Variants in LITAF observed in about 807,000 individuals in gnomAD.
LITAF encodes the protein lipopolysaccharide induced TNF factor.
LITAF carries 9 observed loss-of-function variants against 14.5 expected under a neutral mutation model. The observed-to-expected ratio is 0.62, with a 90% CI of 0.37 to 1.08. The LOEUF (loss-of-function observed/expected upper bound fraction) is 1.08. Ranked by LOEUF, LITAF falls within the 50% of genes least tolerant of loss-of-function variation. LITAF has a pLI of 0.01. For synonymous variants in LITAF, 98 were observed against 88.2 expected (o/e 1.11, Z -0.62); for missense variants, 206 against 213.4 (o/e 0.97, Z 0.22).
At chr16:11,591,547 T>A (rs114627242), upstream of LITAF, among the ~76,000 whole-genome samples, 6 of 148,380 alleles carry the variant, frequency 4.0e-5, no homozygotes, top group Non-Finnish European at 7.4e-5. Context: ...GGTTCTGGCA[T>A]AAGAATAGAC....
chr16:11,625,726 CT>C (rs1277522256), intron 3 of LITAF, among the ~76,000 whole-genome samples: 4 of 152,130 alleles, frequency 2.6e-5, no homozygotes, highest in African/African-American at 7.2e-5. Flanking sequence ...CCCTTTTAAT[CT>C]TTCATTTATT....
upstream of LITAF, among the ~76,000 whole-genome samples, chr16:11,588,187 A>C (rs2064826432): frequency 6.6e-6 from 1 of 152,092 alleles, no homozygotes; most frequent in Admixed American, 6.6e-5. Flanking sequence ...TGTGGGCAAC[A>C]TTTTACTGCT....
At chr16:11,617,230 A>G (rs1187070907) in intron 3 of LITAF, among the ~76,000 whole-genome samples, 1 of 152,042 alleles carries the variant, frequency 6.6e-6, no homozygotes. Context: ...AAAAAAATAA[A>G]TAAATAGAAA....
chr16:11,550,611 CTT>C lies in LITAF; in HGVS notation c.378-868_378-867del, dbSNP rs574252891. Among the ~76,000 whole-genome samples, 283 of 152,242 alleles carry C rather than the reference CTT, an allele frequency of 1.9e-3. 1 individual carries two copies. Among genetic ancestry groups the C allele is most frequent in the Admixed American group, 3.4e-3 (52 of 15,276 alleles). Reference sequence around the variant, plus strand: ...CAAAGTCTTAGATGGGCTTGGTGAACTTTTTTTGCAAAGGGACAGATAGTAGA... The same window carrying C: ...CAAAGTCTTAGATGGGCTTGGTGAACTTTTTGCAAAGGGACAGATAGTAGA... On this transcript the variant is annotated intron_variant, in intron 3 of 3. Transcript: ENST00000622633.
chr16:11,554,470 C>T (rs1474502405), intron 2 of LITAF, among the ~76,000 whole-genome samples: 2 of 151,964 alleles, frequency 1.3e-5, no homozygotes, highest in African/African-American at 2.4e-5. Flanking sequence ...AAAACATGTT[C>T]GAACATTCTC....
intron 3 of LITAF, among the ~76,000 whole-genome samples, chr16:11,625,126 G>A (rs966175255): frequency 5.9e-5 from 9 of 152,250 alleles, no homozygotes; most frequent in African/African-American, 2.2e-4. Flanking sequence ...TCCCCATGTG[G>A]TTCTGGTTAG....
upstream of LITAF, among the ~76,000 whole-genome samples, chr16:11,588,532 G>A (rs1169040605): frequency 8.9e-6 from 1 of 112,830 alleles, no homozygotes; most frequent in African/African-American, 3.1e-5. Flanking sequence ...AAAAAAAAAA[G>A]AAAGAAAAAG....
chr16:11,611,554 T>C (rs949111014), intron 3 of LITAF, among the ~76,000 whole-genome samples: 4 of 152,228 alleles, frequency 2.6e-5, no homozygotes, highest in Admixed American at 2.0e-4. Context: ...ACAATACTTT[T>C]TACCACCTAC....
intron 3 of LITAF, among the ~76,000 whole-genome samples, chr16:11,613,324 G>A (rs1051784346): frequency 7.9e-5 from 12 of 152,192 alleles, no homozygotes; most frequent in Non-Finnish European, 1.5e-4. Flanking sequence ...GGGATGGAGA[G>A]AGACGGGACA....
At chr16:11,615,800 G>C (rs1391077158) in intron 3 of LITAF, among the ~76,000 whole-genome samples, 1 of 152,182 alleles carries the variant, frequency 6.6e-6, no homozygotes, top group African/African-American at 2.4e-5. Flanking sequence ...AAAGCCCTTG[G>C]ACCCTCCTCA....
rs747993505 is a variant in LITAF at position 11,586,024 on chromosome 16, C to G, written c.-6+862G>C. 3.3e-5 allele frequency: 5 copies of G among 152,704 alleles called. No homozygotes were observed. The highest frequency in any genetic ancestry group is 7.2e-5 in the African/African-American group (3 of 41,468). The allele number at this position is 152,704 out of a possible 1,614,324, so 9.5% of individuals were successfully genotyped here. A position where few individuals can be genotyped will look rare whatever the true frequency, so the allele number is the denominator to read the frequency against. ...CCCCGAAGAGCTTCGGGCACACCAC[C>G]AACTGACCACCTATCCACAGTGACC... On this transcript the variant is annotated intron_variant, in intron 1 of 3. Coordinates refer to ENST00000622633, the MANE Select transcript of LITAF (RefSeq NM_001136472.2). The surrounding 1 kb of genome is among the most constrained non-coding windows in gnomAD (Gnocchi z 6.5).
chr16:11,557,260 A>G (rs1341716404), intron 1 of LITAF, among the ~76,000 whole-genome samples: 1 of 151,622 alleles, frequency 6.6e-6, no homozygotes, highest in Admixed American at 6.6e-5. Context: ...AGGCAAAATG[A>G]ATCCATGGAG....
chr16:11,558,784 T>C lies in LITAF; in HGVS notation c.-5-2049A>G, dbSNP rs1304484401. 6.6e-6 allele frequency among the ~76,000 whole-genome samples: 1 copy of C among 151,962 alleles called. No homozygotes were observed. Among genetic ancestry groups the C allele is most frequent in the Non-Finnish European group, 1.5e-5 (1 of 67,980 alleles). On this transcript the variant is annotated intron_variant, in intron 1 of 3. Coordinates refer to ENST00000622633, the MANE Select transcript of LITAF (RefSeq NM_001136472.2). The surrounding 1 kb of genome is among the most constrained non-coding windows in gnomAD (Gnocchi z 4.1). Reference sequence around the variant, plus strand: ...TAAAAAGAAAGTCAGTAAGTAAAGATAGGTTGGGGCTGCATTCTAGAAAAC... The same window carrying C: ...TAAAAAGAAAGTCAGTAAGTAAAGACAGGTTGGGGCTGCATTCTAGAAAAC...
At chr16:11,622,947 AATATAT>A (rs56677620) in intron 3 of LITAF, among the ~76,000 whole-genome samples, 114,650 of 145,318 alleles carry the variant, frequency 0.79, 45,549 homozygotes, top group Middle Eastern at 0.88. Flanking sequence ...TCATATAATG[AATATAT>A]ATATATATAT....
chr16:11,629,389 A>G (rs1395792129), intron 3 of LITAF, among the ~76,000 whole-genome samples: 2 of 152,212 alleles, frequency 1.3e-5, no homozygotes, highest in East Asian at 1.9e-4. Flanking sequence ...GACAAGGTGC[A>G]GGAGGAAGAA....
At chr16:11,636,234 T>G (rs1211666508) in intron 1 of LITAF, 2 of 152,104 alleles carry the variant, frequency 1.3e-5, no homozygotes, top group Non-Finnish European at 2.9e-5. Context: ...TTGTCTGGGG[T>G]AAATACCCGA....
chr16:11,572,855 T>C (rs2064566165), intron 1 of LITAF, among the ~76,000 whole-genome samples: 1 of 151,566 alleles, frequency 6.6e-6, no homozygotes, highest in South Asian at 2.1e-4. Context: ...CAGTGTCCCA[T>C]AGGGAAGTAG....
At chr16:11,583,163 T>C (rs1219529074) in intron 1 of LITAF, among the ~76,000 whole-genome samples, 3 of 152,198 alleles carry the variant, frequency 2.0e-5, no homozygotes, top group Non-Finnish European at 2.9e-5. Context: ...GAGTGAAATA[T>C]TTCAGAGAAA....
intron 3 of LITAF, among the ~76,000 whole-genome samples, chr16:11,631,711 C>T (rs1022941914): frequency 6.6e-6 from 1 of 151,692 alleles, no homozygotes; most frequent in Admixed American, 6.6e-5. Context: ...GCCTTCTCTC[C>T]GGTGTCTGTG....
Sources: gnomAD v4.1 joint callset for allele counts (sites outside exome capture counted in the v4.1 genomes callset) on GRCh38, gnomAD v4.1.1 for gene constraint, Gnocchi (gnomAD v3.1) non-coding constraint, MANE v1.5 for transcripts, NCBI Gene and HGNC (gene_info 2026-07-23, HGNC 2026-07-21) for gene names.